ARMC3: variants seen among roughly 807,000 people sequenced by gnomAD.
ARMC3 encodes armadillo repeat-containing protein 3.
Under a neutral mutation model 90.3 loss-of-function variants are expected in ARMC3, and 74 were observed. The ratio of observed to expected loss-of-function variants is 0.82; its 90% CI spans 0.68 to 0.99. ARMC3 has a LOEUF of 0.99. Ranked by LOEUF, ARMC3 falls within the 50% of genes least tolerant of loss-of-function variation. The pLI is 0.00. For synonymous variants in ARMC3, 334 were observed against 361.8 expected (o/e 0.92, Z 0.87); for missense variants, 958 against 1,042.8 (o/e 0.92, Z 1.12).
chr10:22,994,114 G>A (rs1836841052), intron 10 of ARMC3, among the ~76,000 whole-genome samples: 1 of 152,222 alleles, frequency 6.6e-6, no homozygotes, highest in South Asian at 2.1e-4. Context: ...AATGCTCTGA[G>A]CTCATGTTAA....
intron 7 of ARMC3, among the ~76,000 whole-genome samples, chr10:22,962,947 T>TG (rs1182319546): frequency 6.6e-6 from 1 of 152,172 alleles, no homozygotes; most frequent in African/African-American, 2.4e-5. Context: ...TAATTACACT[T>TG]GTGATGCAAA....
Position 23,002,007 on chromosome 10 carries a change from T to C in ARMC3, c.1514T>C (p.Met505Thr). 6.2e-7 allele frequency: 1 copy of C among 1,613,900 alleles called. No homozygotes were observed. Among genetic ancestry groups the C allele is most frequent in the South Asian group, 1.1e-5 (1 of 91,070 alleles). Residue 505 changes from methionine to threonine, a missense_variant, in exon 12 of 19, where the codon ATG (methionine) becomes ACG (threonine). Transcript: ENST00000298032. ...AGGAAGCACGCCAGTTGGGCAGTGA[T>C]GGTCTGTGCTGGTGACGAGCTGACG... Reference protein sequence around the residue: ...EVRKHASWAVMVCAGDELTAN... With the variant: ...EVRKHASWAVTVCAGDELTAN...
At chr10:23,029,098 A>C (rs956277136) in intron 16 of ARMC3, among the ~76,000 whole-genome samples, 1 of 152,186 alleles carries the variant, frequency 6.6e-6, no homozygotes, top group African/African-American at 2.4e-5. Flanking sequence ...CTGTCACAGG[A>C]TTCCTTATGG....
rs148024612 is a variant in ARMC3, at chr10:22,936,681, T to C, written c.48+4637T>C. Among the ~76,000 whole-genome samples, 563 of 152,282 alleles carry C rather than the reference T, an allele frequency of 3.7e-3. 4 individuals are homozygous for C. Among genetic ancestry groups the C allele is most frequent in the Non-Finnish European group, 3.7e-3 (250 of 68,018 alleles). On this transcript the variant is annotated intron_variant, in intron 2 of 18. Transcript: ENST00000298032. The stretch of plus-strand genomic sequence containing the variant: ...GATGGGATATGTAATGACAGCACAG[T>C]ATTATTTATTTAGTCATGTGGCACT...
chr10:23,002,597 C>T (rs368218841), intron 12 of ARMC3, among the ~76,000 whole-genome samples: 2 of 147,978 alleles, frequency 1.4e-5, no homozygotes, highest in African/African-American at 2.5e-5. Context: ...TCTTTCTTTT[C>T]TTTTTTTCTT....
At chr10:22,950,224 C>T (rs1158595440) in intron 3 of ARMC3, among the ~76,000 whole-genome samples, 1 of 151,834 alleles carries the variant, frequency 6.6e-6, no homozygotes, top group Non-Finnish European at 1.5e-5. Context: ...GAAATGGCAA[C>T]ATATATGTTT....
intron 16 of ARMC3, among the ~76,000 whole-genome samples, chr10:23,010,907 CCCCTCTTCTTCCCTTCCCTCCCCCTT>C (rs1837969812): frequency 9.0e-5 from 4 of 44,692 alleles, no homozygotes; most frequent in East Asian, 5.5e-4. Context: ...TCCCTTCCTT[CCCCTCTTCTTCCCTTCCCTCCCCCTT>C]CCTTCCTTTC....
chr10:22,997,846 CT>C (rs1049780437), intron 10 of ARMC3, among the ~76,000 whole-genome samples: 5 of 151,500 alleles, frequency 3.3e-5, no homozygotes, highest in African/African-American at 4.9e-5. Context: ...ATGGTTGTAC[CT>C]TTTTTTTAAG....
At chr10:22,979,944 T>C (rs1289876701) in intron 8 of ARMC3, among the ~76,000 whole-genome samples, 5 of 152,120 alleles carry the variant, frequency 3.3e-5, no homozygotes, top group Non-Finnish European at 7.4e-5. Context: ...TATATATCTG[T>C]GTATCAGGTG....
chr10:22,995,768 G>T (rs964301804), intron 10 of ARMC3, among the ~76,000 whole-genome samples: 6 of 152,174 alleles, frequency 3.9e-5, no homozygotes, highest in African/African-American at 1.4e-4. Flanking sequence ...CAAGATGAAA[G>T]AAAAAGATGA....
chr10:22,972,110 T>A (rs578234499), intron 8 of ARMC3, among the ~76,000 whole-genome samples: 15 of 152,366 alleles, frequency 9.8e-5, no homozygotes, highest in African/African-American at 3.4e-4. Flanking sequence ...AGATATTATT[T>A]GAAAACAGTT....
chr10:22,985,691 T>C (rs1029949996), intron 10 of ARMC3, among the ~76,000 whole-genome samples: 1 of 152,244 alleles, frequency 6.6e-6, no homozygotes, highest in Non-Finnish European at 1.5e-5. Context: ...ATTTGAGTTA[T>C]GGATACGTGG....
chr10:23,015,994 TACAC>T (rs1564398506), intron 16 of ARMC3, among the ~76,000 whole-genome samples: 1 of 151,990 alleles, frequency 6.6e-6, no homozygotes, highest in African/African-American at 2.4e-5. Flanking sequence ...AACAAAGAAA[TACAC>T]ACACTCACAC....
At chr10:22,978,363 A>G (rs1443071547) in intron 8 of ARMC3, among the ~76,000 whole-genome samples, 1 of 152,152 alleles carries the variant, frequency 6.6e-6, no homozygotes, top group African/African-American at 2.4e-5. Context: ...AGCAAAGGGG[A>G]GAAGCCCCTG....
intron 11 of ARMC3, among the ~76,000 whole-genome samples, chr10:22,999,323 G>A (rs1042023880): frequency 9.9e-5 from 15 of 152,176 alleles, no homozygotes; most frequent in African/African-American, 3.1e-4. Context: ...GGAGGCAGGC[G>A]GATTGCTTGA....
chr10:22,929,252 AAG>A (rs139581937), intron 1 of ARMC3, among the ~76,000 whole-genome samples: 7 of 149,816 alleles, frequency 4.7e-5, no homozygotes, highest in Admixed American at 6.7e-5. Context: ...AAAAAAAGAG[AAG>A]AGAGAGAGAG....
chr10:22,959,544 C>T lies in ARMC3; in HGVS notation c.507C>T (p.Asn169=), dbSNP rs1398474297. ...LSSPDPDVKK[N]SMECIYNLVQ... is the part of the protein sequence containing the mutation. ...GCCCTGACCCGGATGTAAAGAAGAACTCTATGGAATGCATTTACAACTTGG... is the reference window on the plus strand; with the variant it reads ...GCCCTGACCCGGATGTAAAGAAGAATTCTATGGAATGCATTTACAACTTGG... Residue 169 remains asparagine, a synonymous_variant, in exon 6 of 19, where the codon AAC becomes AAT. Coordinates refer to ENST00000298032, the MANE Select transcript of ARMC3 (RefSeq NM_173081.5). 1.2e-6 allele frequency: 2 copies of T among 1,607,956 alleles called. No homozygotes were observed. The highest frequency in any genetic ancestry group is 1.7e-6 in the Non-Finnish European group (2 of 1,178,778).
In ARMC3 at chr10:23,032,706, A is replaced by G. The variant is rs149705570; in HGVS notation, c.2247-155A>G. On this transcript the variant is annotated intron_variant, in intron 17 of 18. Transcript: ENST00000298032. The stretch of plus-strand genomic sequence containing the variant: ...GTAAGCATGCTATGCTACAGTAAGC[A>G]TAACTATTTATGGTTAGTACTTTCT... Among the ~76,000 whole-genome samples, 11 of 152,336 alleles carry G rather than the reference A, an allele frequency of 7.2e-5. 1 individual carries two copies. In the East Asian group the frequency reaches 2.1e-3, roughly 29 times the overall value.
In ARMC3 at chr10:23,021,689, T is replaced by A. The variant is rs12257500; in HGVS notation, c.2046-8907T>A. On this transcript the variant is annotated intron_variant, in intron 16 of 18. Transcript: ENST00000298032. ...GTCATTCATTTTTTGCTTGTTGAATTGTTTAAGTTCTGTATATATTCTGGA... is the reference window on the plus strand; with the variant it reads ...GTCATTCATTTTTTGCTTGTTGAATAGTTTAAGTTCTGTATATATTCTGGA... Among the ~76,000 whole-genome samples the A allele has an allele frequency of 2.5e-3, 375 of 152,346 alleles. 3 individuals carry two copies. The highest frequency in any genetic ancestry group is 8.7e-3 in the African/African-American group (361 of 41,582).
Sources: allele counts gnomAD v4.1 joint callset (sites outside exome capture counted in the v4.1 genomes callset), GRCh38; gene constraint gnomAD v4.1.1; transcripts MANE v1.5; gene names NCBI Gene and HGNC (gene_info 2026-07-23, HGNC 2026-07-21).